The following PCDH19 variants were observed in gnomAD, a reference collection of about 807,000 sequenced individuals.
The protein encoded by PCDH19 is protocadherin-19.
Under a neutral mutation model 46.2 loss-of-function variants are expected in PCDH19, and 6 were observed. The observed-to-expected ratio is 0.13, with a 90% CI of 0.07 to 0.26. PCDH19 has a LOEUF of 0.26. PCDH19 is among the 10% of genes least tolerant of loss of function. The probability of loss-of-function intolerance (pLI) is 1.00; values close to 1 mark genes in which losing one functional copy is unlikely to be tolerated. For missense variants in PCDH19, 740 were observed against 972.3 expected, an observed-to-expected ratio of 0.76 and a Z score of 3.18; for synonymous variants, 481 against 415.7, an observed-to-expected ratio of 1.16 and a Z score of -1.91.
chrX:100,309,279 G>A (rs998521852), intron 5 of PCDH19, among the ~76,000 whole-genome samples: 3 of 111,412 alleles, frequency 2.7e-5, no homozygotes, highest in Admixed American at 1.9e-4. Context: ...AAGCAACTCA[G>A]GAATGGAAAA....
intron 3 of PCDH19, among the ~76,000 whole-genome samples, chrX:100,352,869 T>C (rs1182505559): frequency 1.8e-5 from 2 of 112,135 alleles, no homozygotes; most frequent in Admixed American, 1.9e-4. Flanking sequence ...TTACCCAGTC[T>C]TAGGTATTTC....
At chrX:100,386,017 A>G (rs1467115987) in intron 3 of PCDH19, among the ~76,000 whole-genome samples, 1 of 112,534 alleles carries the variant, frequency 8.9e-6, no homozygotes, top group Non-Finnish European at 1.9e-5. Context: ...ACAAACATTT[A>G]TTGGGCATTT....
chrX:100,372,126 G>T (rs1927247708), intron 3 of PCDH19, among the ~76,000 whole-genome samples: 1 of 111,390 alleles, frequency 9.0e-6, no homozygotes. Flanking sequence ...AATCCCAGCT[G>T]CTTGAGAGGC....
At chrX:100,323,218 A>C (rs1925576357) in intron 5 of PCDH19, among the ~76,000 whole-genome samples, 1 of 110,771 alleles carries the variant, frequency 9.0e-6, no homozygotes, top group Non-Finnish European at 1.9e-5. Flanking sequence ...ACTATCAAAC[A>C]TGCCCCTGAG....
intron 4 of PCDH19, among the ~76,000 whole-genome samples, chrX:100,344,413 T>C (rs939173695): frequency 1.9e-4 from 21 of 111,372 alleles, no homozygotes; most frequent in Non-Finnish European, 1.9e-5. Flanking sequence ...ACTATTATAA[T>C]CCCACAGTTT....
Position 100,295,506 on chromosome X carries a change from T to TA in PCDH19, c.*770dup, listed in dbSNP as rs1197555536. The stretch of plus-strand genomic sequence containing the variant: ...AGTGGTGAGCAATCACTACATGAGT[T>TA]AAAAAACGTGAGTATTCTCCAAGTA... On this transcript the variant is annotated 3_prime_UTR_variant, in exon 6 of 6. Coordinates refer to ENST00000373034, the MANE Select transcript of PCDH19 (RefSeq NM_001184880.2). 7 of 112,229 alleles carry TA rather than the reference T, an allele frequency of 6.2e-5. No individual in the cohort carries two copies. The highest frequency in any genetic ancestry group is 2.3e-4 in the African/African-American group (7 of 30,879). The allele number at this position is 112,229 out of a possible 1,213,427, so 9.2% of individuals were successfully genotyped here.
At chrX:100,402,495 A>C in intron 3 of PCDH19, 29 bp downstream of exon 3, 1 of 1,155,269 alleles carries the variant, frequency 8.7e-7, no homozygotes, top group Non-Finnish European at 1.2e-6. Flanking sequence ...ACCTGGGAGA[A>C]CCTCACAGAG....
chrX:100,382,080 T>TAA (rs1156468997), intron 3 of PCDH19, among the ~76,000 whole-genome samples: 5 of 102,745 alleles, frequency 4.9e-5, no homozygotes, highest in African/African-American at 7.0e-5. Context: ...TCCAGTAATT[T>TAA]AAAAAAAAAA....
At chrX:100,321,299 T>C (rs1925469382) in intron 5 of PCDH19, among the ~76,000 whole-genome samples, 1 of 112,124 alleles carries the variant, frequency 8.9e-6, no homozygotes, top group Admixed American at 9.4e-5. Flanking sequence ...GTGGGACTGC[T>C]GGATCAAATG....
intron 3 of PCDH19, among the ~76,000 whole-genome samples, chrX:100,401,833 C>T (rs1262993566): frequency 2.7e-5 from 3 of 110,483 alleles, no homozygotes; most frequent in African/African-American, 6.6e-5. Flanking sequence ...CAGGCTCAAC[C>T]GATTCTCCTG....
chrX:100,371,944 C>T (rs1424929914), intron 3 of PCDH19, among the ~76,000 whole-genome samples: 1 of 110,169 alleles, frequency 9.1e-6, no homozygotes, highest in African/African-American at 3.3e-5. Flanking sequence ...AATAACATAT[C>T]AAGAAATGGA....
chrX:100,311,642 T>G (rs1224958311), intron 5 of PCDH19, among the ~76,000 whole-genome samples: 1 of 111,623 alleles, frequency 9.0e-6, no homozygotes, highest in Non-Finnish European at 1.9e-5. Context: ...CTTCCACATT[T>G]GGAAAATAAA....
At chrX:100,405,428 T>G (rs1928315567) in intron 1 of PCDH19, among the ~76,000 whole-genome samples, 1 of 112,391 alleles carries the variant, frequency 8.9e-6, no homozygotes, top group African/African-American at 3.2e-5. Context: ...ATGCTTAGAC[T>G]TATGTGCTCT....
chrX:100,307,451 G>A (rs962478407), intron 5 of PCDH19, among the ~76,000 whole-genome samples: 3 of 111,415 alleles, frequency 2.7e-5, no homozygotes, highest in Non-Finnish European at 5.7e-5. Context: ...ACTGAATGGC[G>A]AAAAGTTGAA....
At chrX:100,386,208 G>A (rs1040123981) in intron 3 of PCDH19, among the ~76,000 whole-genome samples, 5 of 111,002 alleles carry the variant, frequency 4.5e-5, no homozygotes, top group South Asian at 7.7e-4. Context: ...GGGACCTAGC[G>A]AACAGCAGCC....
chrX:100,384,935 G>C (rs1004193206), intron 3 of PCDH19, among the ~76,000 whole-genome samples: 7 of 111,058 alleles, frequency 6.3e-5, no homozygotes, highest in African/African-American at 2.3e-4. Context: ...GAGATAGGCA[G>C]GTTACCTGAG....
chrX:100,328,887 G>T (rs1305702333), intron 5 of PCDH19, among the ~76,000 whole-genome samples: 1 of 112,168 alleles, frequency 8.9e-6, no homozygotes, highest in Non-Finnish European at 1.9e-5. Flanking sequence ...TATTTTAAAC[G>T]GAAGATCTAG....
chrX:100,376,363 T>C (rs1472101596), intron 3 of PCDH19, among the ~76,000 whole-genome samples: 1 of 111,602 alleles, frequency 9.0e-6, no homozygotes, highest in African/African-American at 3.3e-5. Context: ...ATTGGTCCTG[T>C]GACCTCTTTC....
rs150237979 is a variant in PCDH19, at chrX:100,368,887, C to T, written c.2617-18183G>A. Among the ~76,000 whole-genome samples, 499 of 111,394 alleles carry T rather than the reference C, an allele frequency of 4.5e-3. 9 individuals carry two copies. The highest frequency in any genetic ancestry group is 0.043 in the Admixed American group (450 of 10,409). On this transcript the variant is annotated intron_variant, in intron 3 of 5. Transcript: ENST00000373034. ...AACAGGGATTACTTTTATCTCTTCC[C>T]CCCAAAGTTTCCTCTGCTGTGCTTT...
Sources: allele counts gnomAD v4.1 joint callset (sites outside exome capture counted in the v4.1 genomes callset), GRCh38; gene constraint gnomAD v4.1.1; transcripts MANE v1.5; gene names NCBI Gene and HGNC (gene_info 2026-07-23, HGNC 2026-07-21).